TBX5: variants seen among roughly 807,000 people sequenced by gnomAD.
TBX5 encodes the protein T-box transcription factor TBX5.
In TBX5, 8 loss-of-function variants were observed where a neutral mutation model predicts 51.1. The ratio of observed to expected loss-of-function variants is 0.16; its 90% CI spans 0.09 to 0.28. The LOEUF is 0.28. Ranked by LOEUF, TBX5 falls within the 10% of genes least tolerant of loss-of-function variation. The pLI is 1.00. For missense variants in TBX5, 589 were observed against 671.7 expected, an observed-to-expected ratio of 0.88 and a Z score of 1.36; for synonymous variants, 302 against 266.4, an observed-to-expected ratio of 1.13 and a Z score of -1.30.
In TBX5 at chr12:114,355,840, GCTGCACGGTGGTGA is replaced by G; in HGVS notation, c.1235_1248del (p.Val412AlafsTer70). 1 of 1,613,962 alleles carries G rather than the reference GCTGCACGGTGGTGA, an allele frequency of 6.2e-7. No individual in the cohort carries two copies. On this transcript the variant is annotated frameshift_variant, in exon 9 of 9. Transcript: ENST00000405440. LOFTEE classifies it high-confidence loss of function. ...TGCTGGTAGGGTAGCCTGTCCATGG[GCTGCACGGTGGTGA>G]CGGTGCAGCTGCTGTAGGAAGGCAT... is the stretch of plus-strand genomic sequence containing the variant.
intron 7 of TBX5, among the ~76,000 whole-genome samples, chr12:114,382,799 A>G (rs1045269328): frequency 6.6e-6 from 1 of 152,106 alleles, no homozygotes; most frequent in Non-Finnish European, 1.5e-5. Flanking sequence ...TCCGCCTCAA[A>G]AAAGTAATAA....
intron 8 of TBX5, 56 bp downstream of exon 8, chr12:114,366,109 C>G (rs1182711711): frequency 7.0e-6 from 11 of 1,580,962 alleles, no homozygotes; most frequent in Admixed American, 1.7e-5. Context: ...ACCCCCAACC[C>G]AAGGAAAGGA....
chr12:114,406,017 T>G lies in TBX5; in HGVS notation c.-428A>C, dbSNP rs1207282454. The G allele has an allele frequency of 2.0e-6, 2 of 985,246 alleles. No homozygotes were observed. The highest frequency in any genetic ancestry group is 2.4e-6 in the Non-Finnish European group (2 of 829,966). The allele number at this position is 985,246 out of a possible 1,614,324, so 61.0% of individuals were successfully genotyped here. ...CCTTTCTGAGCGCAGCTTTCAGGAT[T>G]AAAGTTCCCGGATTCGAGGTAAGAG... On this transcript the variant is annotated 5_prime_UTR_variant, in exon 1 of 9. Coordinates refer to ENST00000405440, the MANE Select transcript of TBX5 (RefSeq NM_181486.4).
At chr12:114,371,606 T>TC (rs397730073) in intron 7 of TBX5, among the ~76,000 whole-genome samples, 1 of 146,224 alleles carries the variant, frequency 6.8e-6, no homozygotes, top group African/African-American at 2.5e-5. Flanking sequence ...TTTTTTTTTT[T>TC]CCTGGTGATC....
upstream of TBX5, chr12:114,408,062 G>A (rs1013432649): frequency 1.0e-6 from 1 of 985,426 alleles, no homozygotes; most frequent in East Asian, 1.1e-4. Context: ...CCAGGCGATA[G>A]CGACTATCTC....
chr12:114,408,161 G>A (rs922779234), upstream of TBX5: 5 of 985,408 alleles, frequency 5.1e-6, no homozygotes, highest in Non-Finnish European at 4.8e-6. Flanking sequence ...GGCAGCGGCG[G>A]GAGGTAAATT....
Position 114,365,699 on chromosome 12 carries a change from G to A in TBX5, c.982+466C>T, listed in dbSNP as rs148098507. On this transcript the variant is annotated intron_variant, in intron 8 of 8. Coordinates refer to ENST00000405440, the MANE Select transcript of TBX5 (RefSeq NM_181486.4). ...CAAAAATTTAGTACAGTGTGTGAACGCATGCCTATAGTCCCAGCTACTAGG... is the reference window on the plus strand; with the variant it reads ...CAAAAATTTAGTACAGTGTGTGAACACATGCCTATAGTCCCAGCTACTAGG... Among the ~76,000 whole-genome samples the A allele has an allele frequency of 1.1e-3, 171 of 151,866 alleles. 2 individuals carry two copies. Among genetic ancestry groups the A allele is most frequent in the African/African-American group, 3.5e-3 (143 of 41,432 alleles).
intron 6 of TBX5, among the ~76,000 whole-genome samples, chr12:114,388,843 C>T (rs141388574): frequency 0.01 from 1,553 of 151,666 alleles, 22 homozygotes; most frequent in African/African-American, 0.036. Flanking sequence ...TCTTGGCCTC[C>T]CAAATTGTTA....
chr12:114,388,875 C>T (rs939050075), intron 6 of TBX5, among the ~76,000 whole-genome samples: 4 of 151,710 alleles, frequency 2.6e-5, no homozygotes, highest in African/African-American at 9.7e-5. Flanking sequence ...TGAGCCACCA[C>T]ACCCAGCCCA....
chr12:114,403,660 T>G, intron 2 of TBX5, 92 bp downstream of exon 2: 1 of 1,532,690 alleles, frequency 6.5e-7, no homozygotes, highest in Non-Finnish European at 8.7e-7. Context: ...TTTATTTTGT[T>G]TTTGTTCTGT....
chr12:114,395,028 G>A (rs892726000), intron 5 of TBX5, 135 bp from the exon 6 acceptor site: 12 of 854,846 alleles, frequency 1.4e-5, no homozygotes, highest in African/African-American at 1.4e-4. Context: ...CTTCTGTTTT[G>A]AAAAGGGGCC....
chr12:114,376,598 A>G (rs1335090511), intron 7 of TBX5, among the ~76,000 whole-genome samples: 3 of 151,846 alleles, frequency 2.0e-5, no homozygotes, highest in Non-Finnish European at 4.4e-5. Flanking sequence ...AATACAGTTA[A>G]GAGCACAGTA....
rs80026530 is a variant in TBX5, at chr12:114,401,939, A to T, written c.148-19T>A. Reference sequence around the variant, plus strand: ...CCATGCCCTGCAAGAAGGAGAAAAAAGTCACACTAACAAGCCCTGGCAGTA... The same window carrying T: ...CCATGCCCTGCAAGAAGGAGAAAAATGTCACACTAACAAGCCCTGGCAGTA... On this transcript the variant is annotated intron_variant, in intron 2 of 8. Transcript: ENST00000405440. The T allele has an allele frequency of 3.2e-3, 5,190 of 1,611,078 alleles. 140 individuals are homozygous for T. In the African/African-American group the frequency reaches 0.06, roughly 19 times the overall value.
rs199731693 is a variant in TBX5, at chr12:114,385,441, T to C, written c.755+35A>G. ...TTACCTGGGTAATTTGAGGGGTATGTGGGGAGGAGAAAGTTGAGGAATCCA... is the reference window on the plus strand; with the variant it reads ...TTACCTGGGTAATTTGAGGGGTATGCGGGGAGGAGAAAGTTGAGGAATCCA... On this transcript the variant is annotated intron_variant, in intron 7 of 8. Coordinates refer to ENST00000405440, the MANE Select transcript of TBX5 (RefSeq NM_181486.4). The C allele has an allele frequency of 5.2e-4, 832 of 1,593,752 alleles. 2 individuals are homozygous for C. The highest frequency in any genetic ancestry group is 6.7e-4 in the Admixed American group (40 of 59,942).
Position 114,378,658 on chromosome 12 carries a change from C to T in TBX5, c.755+6818G>A, listed in dbSNP as rs1039785326. ...TTGTTTTGTTTTGTTTTTTTCGAGA[C>T]GGAGTTTCACTCTTGTTGCCCAGGC... On this transcript the variant is annotated intron_variant, in intron 7 of 8. Coordinates refer to ENST00000405440, the MANE Select transcript of TBX5 (RefSeq NM_181486.4). 7.2e-5 allele frequency among the ~76,000 whole-genome samples: 11 copies of T among 152,084 alleles called. No homozygotes were observed. In the East Asian group the frequency reaches 1.2e-3, roughly 16 times the overall value.
chr12:114,378,005 C>G (rs1870289232), intron 7 of TBX5, among the ~76,000 whole-genome samples: 2 of 152,026 alleles, frequency 1.3e-5, no homozygotes, highest in African/African-American at 4.8e-5. Context: ...TTGGGTGGCT[C>G]AGATCCCAGT....
chr12:114,407,675 G>A (rs1467370247), upstream of TBX5: 2 of 780,260 alleles, frequency 2.6e-6, no homozygotes, highest in Admixed American at 6.2e-5. Context: ...GACACACGAA[G>A]CCATTCTTAT....
At position 114,401,930 on chromosome 12, in the gene TBX5, G is replaced by A. The variant is rs1249227748; in HGVS notation, c.148-10C>T. 1.9e-6 allele frequency: 3 copies of A among 1,613,612 alleles called. No individual in the cohort carries two copies. Among genetic ancestry groups the A allele is most frequent in the South Asian group, 1.1e-5 (1 of 91,052 alleles). On this transcript the variant is annotated splice_polypyrimidine_tract_variant and intron_variant, in intron 2 of 8. Transcript: ENST00000405440. Reference sequence around the variant, plus strand: ...TGATTCCCTCCATGCCCTGCAAGAAGGAGAAAAAAGTCACACTAACAAGCC... The same window carrying A: ...TGATTCCCTCCATGCCCTGCAAGAAAGAGAAAAAAGTCACACTAACAAGCC...
chr12:114,402,018 C>T (rs568452795), intron 2 of TBX5, 98 bp from the exon 3 acceptor site: 22 of 1,064,334 alleles, frequency 2.1e-5, no homozygotes, highest in African/African-American at 1.6e-4. Context: ...TCCTCCTTCC[C>T]GCTGGAGCCT....
Sources: gnomAD v4.1 joint callset for allele counts (sites outside exome capture counted in the v4.1 genomes callset) on GRCh38, gnomAD v4.1.1 for gene constraint, MANE v1.5 for transcripts, NCBI Gene and HGNC (gene_info 2026-07-23, HGNC 2026-07-21) for gene names.